FRK: variants seen among roughly 807,000 people sequenced by gnomAD.
FRK encodes fyn related Src family tyrosine kinase, also known as tyrosine-protein kinase FRK.
A neutral mutation model predicts 56.4 loss-of-function variants in FRK; 51 were observed. The observed-to-expected ratio is 0.90, with a 90% confidence interval of 0.72 to 1.14. The LOEUF (loss-of-function observed/expected upper bound fraction) is 1.14. Among genes scored for constraint, FRK ranks in the 50% most tolerant of loss-of-function variants. The pLI is 0.00. For missense variants in FRK, 570 were observed against 601.4 expected, an observed-to-expected ratio of 0.95 and a Z score of 0.55; for synonymous variants, 245 against 217.9, an observed-to-expected ratio of 1.12 and a Z score of -1.10.
chr6:116,035,637 A>G (rs1259077553), intron 1 of FRK, among the ~76,000 whole-genome samples: 2 of 152,138 alleles, frequency 1.3e-5, no homozygotes, highest in Non-Finnish European at 2.9e-5. Context: ...AAAATGAAGA[A>G]GCAAGGAAAA....
chr6:116,054,894 G>C (rs1777332790), intron 1 of FRK, among the ~76,000 whole-genome samples: 1 of 151,846 alleles, frequency 6.6e-6, no homozygotes, highest in African/African-American at 2.4e-5. Context: ...AATGTATTAA[G>C]GGTAATGTTA....
chr6:116,066,511 T>TA, the FRK span, among the ~76,000 whole-genome samples: 1 of 152,152 alleles, frequency 6.6e-6, no homozygotes, highest in Non-Finnish European at 1.5e-5. Flanking sequence ...TACAGCAACT[T>TA]ATTCTCCAAA....
At chr6:115,966,745 G>A (rs1195392974) in intron 4 of FRK, among the ~76,000 whole-genome samples, 1 of 152,112 alleles carries the variant, frequency 6.6e-6, no homozygotes, top group Non-Finnish European at 1.5e-5. Flanking sequence ...GGAGCGTGAG[G>A]CAATAGTAAT....
In FRK at chr6:115,958,291, C is replaced by T. The variant is rs113946339; in HGVS notation, c.800-1681G>A. Reference sequence around the variant, plus strand: ...GGAATCCCCCCACTACCACCCCCCCCAAAAAAGAAGCTTCCAATGATAGCA... The same window carrying T: ...GGAATCCCCCCACTACCACCCCCCCTAAAAAAGAAGCTTCCAATGATAGCA... On this transcript the variant is annotated intron_variant, in intron 4 of 7. Transcript: ENST00000606080. Among the ~76,000 whole-genome samples, 3 of 119,834 alleles carry T rather than the reference C, an allele frequency of 2.5e-5. No individual in the cohort carries two copies. The South Asian group carries it at 8.4e-4, about 33-fold the overall frequency. The allele number at this position is 119,834 out of a possible 152,430, so 78.6% of individuals were successfully genotyped here.
At chr6:116,032,419 G>A (rs529467877) in intron 1 of FRK, among the ~76,000 whole-genome samples, 14 of 152,022 alleles carry the variant, frequency 9.2e-5, no homozygotes, top group African/African-American at 3.4e-4. Context: ...CCAACACCAC[G>A]ATATCCTAAG....
intron 1 of FRK, among the ~76,000 whole-genome samples, chr6:116,043,253 A>G (rs1402155741): frequency 6.6e-6 from 1 of 152,208 alleles, no homozygotes; most frequent in Non-Finnish European, 1.5e-5. Flanking sequence ...AAACATCTAC[A>G]CAACTCTCCA....
chr6:116,002,484 G>A (rs1314553122), intron 2 of FRK, among the ~76,000 whole-genome samples: 1 of 152,170 alleles, frequency 6.6e-6, no homozygotes, highest in African/African-American at 2.4e-5. Context: ...AGGCATAGTG[G>A]CACGCGCCTG....
intron 1 of FRK, among the ~76,000 whole-genome samples, chr6:116,009,844 T>C (rs927235176): frequency 6.6e-6 from 1 of 152,160 alleles, no homozygotes. Context: ...CAGGACATTG[T>C]TGTATAAAAT....
the FRK span, among the ~76,000 whole-genome samples, chr6:116,090,996 A>G: frequency 6.6e-6 from 1 of 152,208 alleles, no homozygotes; most frequent in Non-Finnish European, 1.5e-5. Context: ...TAAAATTGTA[A>G]TCCTGCCACT....
intron 1 of FRK, among the ~76,000 whole-genome samples, chr6:116,009,152 G>A (rs917193164): frequency 6.6e-6 from 1 of 152,196 alleles, no homozygotes; most frequent in African/African-American, 2.4e-5. Context: ...GGTTTGAAGA[G>A]TTGGCCCCCT....
intron 2 of FRK, among the ~76,000 whole-genome samples, chr6:115,969,943 T>C (rs571033816): frequency 6.6e-6 from 1 of 152,318 alleles, no homozygotes; most frequent in East Asian, 1.9e-4. Context: ...TACCTATGCT[T>C]TCACTTAGCA....
intron 5 of FRK, among the ~76,000 whole-genome samples, chr6:115,949,609 A>G (rs1052044147): frequency 1.3e-5 from 2 of 152,228 alleles, no homozygotes; most frequent in African/African-American, 4.8e-5. Flanking sequence ...CATACTGCCC[A>G]AAGTAATTTA....
At chr6:115,991,864 T>C (rs951443464) in intron 2 of FRK, among the ~76,000 whole-genome samples, 2 of 151,706 alleles carry the variant, frequency 1.3e-5, no homozygotes, top group South Asian at 4.1e-4. Flanking sequence ...CTTCTTTGTA[T>C]GTCTAGTATA....
chr6:115,987,833 G>T lies in FRK; in HGVS notation c.466+16044C>A, dbSNP rs1774448556. 2.0e-5 allele frequency among the ~76,000 whole-genome samples: 3 copies of T among 151,908 alleles called. No homozygotes were observed. The South Asian group carries it at 6.2e-4, about 31-fold the overall frequency. On this transcript the variant is annotated intron_variant, in intron 2 of 7. Coordinates refer to ENST00000606080, the MANE Select transcript of FRK (RefSeq NM_002031.3). ...AAGGCATGGATCATCTCTTTGTTCGGGACTATACATACAACAGATATATAG... is the reference window on the plus strand; with the variant it reads ...AAGGCATGGATCATCTCTTTGTTCGTGACTATACATACAACAGATATATAG...
chr6:116,046,937 A>C (rs183829019), intron 1 of FRK, among the ~76,000 whole-genome samples: 1 of 152,010 alleles, frequency 6.6e-6, no homozygotes, highest in East Asian at 1.9e-4. Flanking sequence ...CTGACTCAGC[A>C]TTTCCAAGTT....
At chr6:116,030,592 C>T (rs941505265) in intron 1 of FRK, among the ~76,000 whole-genome samples, 1 of 151,972 alleles carries the variant, frequency 6.6e-6, no homozygotes, top group African/African-American at 2.4e-5. Flanking sequence ...ATCATACCCA[C>T]GTGATAAACC....
chr6:116,093,206 A>G, the FRK span, among the ~76,000 whole-genome samples: 1 of 152,024 alleles, frequency 6.6e-6, no homozygotes, highest in Admixed American at 6.6e-5. Context: ...AGCCTCCTCC[A>G]ATCTCCCCTG....
chr6:116,090,812 T>C, the FRK span, among the ~76,000 whole-genome samples: 1 of 152,240 alleles, frequency 6.6e-6, no homozygotes, highest in Admixed American at 6.5e-5. Context: ...ACATTAAGTT[T>C]AACCTGGAAC....
upstream of FRK, among the ~76,000 whole-genome samples, chr6:116,065,408 A>G (rs1466385008): frequency 6.6e-6 from 1 of 152,146 alleles, no homozygotes; most frequent in Non-Finnish European, 1.5e-5. Context: ...TCTCCACCAC[A>G]TAGTCTTCCT....
Sources: allele counts gnomAD v4.1 joint callset (sites outside exome capture counted in the v4.1 genomes callset), GRCh38; gene constraint gnomAD v4.1.1; transcripts MANE v1.5; gene names NCBI Gene and HGNC (gene_info 2026-07-23, HGNC 2026-07-21).